The following ARHGAP23 variants were observed in gnomAD, a reference collection of about 807,000 sequenced individuals.
The protein encoded by ARHGAP23 is rho GTPase-activating protein 23.
In ARHGAP23, 34 loss-of-function variants were observed where a neutral mutation model predicts 136.3. That is an observed-to-expected ratio of 0.25 (90% CI 0.19 to 0.33). The LOEUF (loss-of-function observed/expected upper bound fraction) is 0.33, where lower values mean the gene tolerates loss of function less well. ARHGAP23 is among the 10% of genes least tolerant of loss of function. ARHGAP23 has a pLI of 1.00. For synonymous variants in ARHGAP23, 832 were observed against 920.5 expected (o/e 0.90, Z 1.74); for missense variants, 1,808 against 2,139.0 (o/e 0.85, Z 3.05).
chr17:38,464,156 C>A (rs1225326562), intron 6 of ARHGAP23, among the ~76,000 whole-genome samples: 1 of 152,204 alleles, frequency 6.6e-6, no homozygotes, highest in Non-Finnish European at 1.5e-5. Flanking sequence ...CACGTGCGCC[C>A]ACCCGTGTCA....
At chr17:38,452,407 C>T (rs562839188) in intron 1 of ARHGAP23, 1 of 152,150 alleles carries the variant, frequency 6.6e-6, no homozygotes, top group Non-Finnish European at 1.5e-5. Context: ...GCTTGGTGCT[C>T]CCTTCTGGTA....
chr17:38,474,329 C>T (rs1228115584), intron 11 of ARHGAP23, among the ~76,000 whole-genome samples: 2 of 152,146 alleles, frequency 1.3e-5, no homozygotes, highest in African/African-American at 4.8e-5. Flanking sequence ...GGCTGGGGGC[C>T]CTGACCCAAG....
chr17:38,499,313 G>A (rs1357344773), intron 22 of ARHGAP23, among the ~76,000 whole-genome samples: 2 of 152,216 alleles, frequency 1.3e-5, no homozygotes, highest in Admixed American at 1.3e-4. Flanking sequence ...GCGATGCCAC[G>A]CCCAGAAGCT....
chr17:38,467,271 G>C lies in ARHGAP23; in HGVS notation c.1588G>C (p.Gly530Arg). The C allele has an allele frequency of 1.3e-6, 2 of 1,541,678 alleles. No individual in the cohort carries two copies. The highest frequency in any genetic ancestry group is 2.4e-5 in the South Asian group (2 of 82,890). The change falls in exon 7 of 24, where the codon GGC becomes CGC. Residue 530 changes from glycine (G) to arginine (R), a missense_variant. Coordinates refer to ENST00000622683, the MANE Select transcript of ARHGAP23 (RefSeq NM_001199417.2). ...PEASGRGERL[G>R]RKVAPLATTE... ...GGCCAGTGGGCGAGGGGAACGCCTGGGCAGGAAGGTGGCCCCTTTGGCCAC... is the reference window on the plus strand; with the variant it reads ...GGCCAGTGGGCGAGGGGAACGCCTGCGCAGGAAGGTGGCCCCTTTGGCCAC...
At chr17:38,440,816 G>A (rs1457337021) in intron 1 of ARHGAP23, among the ~76,000 whole-genome samples, 1 of 152,198 alleles carries the variant, frequency 6.6e-6, no homozygotes, top group Non-Finnish European at 1.5e-5. Flanking sequence ...GGCCGGGACT[G>A]GGGATGTCGT....
chr17:38,492,777 G>A (rs1367688642), intron 20 of ARHGAP23, among the ~76,000 whole-genome samples: 2 of 152,240 alleles, frequency 1.3e-5, no homozygotes, highest in African/African-American at 2.4e-5. Context: ...CTCCAGAGCT[G>A]TCTGGGAGGC....
intron 17 of ARHGAP23, among the ~76,000 whole-genome samples, chr17:38,487,087 G>A (rs544379915): frequency 6.6e-6 from 1 of 152,284 alleles, no homozygotes; most frequent in South Asian, 2.1e-4. Flanking sequence ...CCAACATGAT[G>A]TCACCAACAT....
chr17:38,461,930 A>G (rs544358211), intron 3 of ARHGAP23, among the ~76,000 whole-genome samples: 6 of 152,032 alleles, frequency 3.9e-5, no homozygotes, highest in African/African-American at 1.2e-4. Context: ...GGAGCTCTGG[A>G]AGGACAAGGG....
At chr17:38,448,258 C>A (rs1597761578) in intron 1 of ARHGAP23, among the ~76,000 whole-genome samples, 2 of 152,196 alleles carry the variant, frequency 1.3e-5, no homozygotes, top group African/African-American at 2.4e-5. Context: ...GATGAGCTTG[C>A]CTGGGTCTAT....
upstream of ARHGAP23, among the ~76,000 whole-genome samples, chr17:38,427,709 G>C (rs767182057): frequency 1.3e-5 from 2 of 152,192 alleles, no homozygotes; most frequent in Non-Finnish European, 2.9e-5. Context: ...TGAGCCCCAG[G>C]ACTGGCTGGG....
chr17:38,453,458 TGTGC>T (rs57064506), intron 1 of ARHGAP23, among the ~76,000 whole-genome samples: 9,976 of 123,346 alleles, frequency 0.081, 568 homozygotes, highest in African/African-American at 0.21. Flanking sequence ...TGTGTGTGTG[TGTGC>T]GCGCGCGCGC....
chr17:38,459,918 C>G (rs966059075), intron 2 of ARHGAP23, among the ~76,000 whole-genome samples: 1 of 152,238 alleles, frequency 6.6e-6, no homozygotes, highest in African/African-American at 2.4e-5. Flanking sequence ...TTTCCTGTGA[C>G]CCACCCTGTC....
At chr17:38,453,422 C>T (rs866664560) in intron 1 of ARHGAP23, among the ~76,000 whole-genome samples, 1,664 of 116,612 alleles carry the variant, frequency 0.014, 13 homozygotes, top group Middle Eastern at 0.099. Flanking sequence ...CGTATGCGTG[C>T]GTGTGTGTGT....
chr17:38,479,955 G>C (rs1016351903), intron 14 of ARHGAP23, 72 bp downstream of exon 14: 38 of 1,529,002 alleles, frequency 2.5e-5, no homozygotes, highest in Non-Finnish European at 3.2e-5. Context: ...GCACGCGTGT[G>C]TGTGTTGGGC....
chr17:38,467,155 T>G lies in ARHGAP23; in HGVS notation c.1472T>G (p.Leu491Arg). Residue 491 changes from leucine (L) to arginine (R), a missense_variant, in exon 7 of 24, where the codon CTG (leucine) becomes CGG (arginine). Physicochemically the swap from Leu to Arg is moderately radical, Grantham distance 102. Around this residue, in one of 7 missense-constraint regions of ARHGAP23, gnomAD observed 859 missense variants for 936.4 expected, o/e 0.92. Coordinates refer to ENST00000622683, the MANE Select transcript of ARHGAP23 (RefSeq NM_001199417.2). Reference protein sequence around the residue: ...PAEDRGDEVVLRQKPPTGRKV... With the variant: ...PAEDRGDEVVRRQKPPTGRKV... ...GAGGATCGCGGCGATGAGGTGGTCC[T>G]GAGGCAGAAGCCCCCGACGGGCCGC... is the stretch of plus-strand genomic sequence containing the variant. 1.9e-6 allele frequency: 3 copies of G among 1,549,688 alleles called. No individual in the cohort carries two copies. Among genetic ancestry groups the G allele is most frequent in the Middle Eastern group, 1.7e-4 (1 of 5,990 alleles).
intron 23 of ARHGAP23, among the ~76,000 whole-genome samples, chr17:38,508,338 G>C (rs2040679602): frequency 6.6e-6 from 1 of 152,312 alleles, no homozygotes; most frequent in Non-Finnish European, 1.5e-5. Context: ...CAATGTAACA[G>C]TGTAGGTCAC....
chr17:38,510,570 G>A lies in ARHGAP23; in HGVS notation c.4074G>A (p.Pro1358=). Reference sequence around the variant, plus strand: ...GCAGCCAGGAGTCGCTGCGGCCCCCGGCGGCGGCGCTGGCCTCCCGGCCCT... The same window carrying A: ...GCAGCCAGGAGTCGCTGCGGCCCCCAGCGGCGGCGCTGGCCTCCCGGCCCT... ...SSSSQESLRP[P]AAALASRPSR... Residue 1358 remains proline, a synonymous_variant, in exon 24 of 24, where the codon CCG becomes CCA. Transcript: ENST00000622683. This position sits in a 1 kb window ranked among gnomAD's most constrained non-coding sequence, Gnocchi z 4.6. 1 of 1,242,662 alleles carries A rather than the reference G, an allele frequency of 8.0e-7. No individual in the cohort carries two copies. The highest frequency in any genetic ancestry group is 1.0e-6 in the Non-Finnish European group (1 of 993,480). The allele number at this position is 1,242,662 out of a possible 1,614,324, so 77.0% of individuals were successfully genotyped here. A position where few individuals can be genotyped will look rare whatever the true frequency, so the allele number is the denominator to read the frequency against.
intron 11 of ARHGAP23, among the ~76,000 whole-genome samples, chr17:38,475,736 T>C (rs1351514811): frequency 2.0e-5 from 3 of 152,200 alleles, no homozygotes; most frequent in Non-Finnish European, 4.4e-5. Flanking sequence ...ATGCTGCTGC[T>C]GTAGGCCCTG....
rs184561390 is a variant in ARHGAP23, at chr17:38,467,638, T to C, written c.1648+307T>C. ...CATCCATCCATCATCTGTTCTTCCT[T>C]CCTTCTTTCCTTCCTCTCTCCCTCC... On this transcript the variant is annotated intron_variant, in intron 7 of 23. Transcript: ENST00000622683. 7.2e-5 allele frequency among the ~76,000 whole-genome samples: 11 copies of C among 152,144 alleles called. No homozygotes were observed. In the East Asian group the frequency reaches 1.7e-3, roughly 24 times the overall value.
Sources: gnomAD v4.1 joint callset for allele counts (sites outside exome capture counted in the v4.1 genomes callset) on GRCh38, gnomAD v4.1.1 for gene constraint, gnomAD v4.1.1 regional missense constraint, Gnocchi (gnomAD v3.1) non-coding constraint, MANE v1.5 for transcripts, NCBI Gene and HGNC (gene_info 2026-07-23, HGNC 2026-07-21) for gene names.